Variants in LMO7 observed in about 807,000 individuals in gnomAD.
LMO7 encodes LIM domain only protein 7.
Under a neutral mutation model 206.5 loss-of-function variants are expected in LMO7, and 120 were observed. The ratio of observed to expected loss-of-function variants is 0.58; its 90% confidence interval spans 0.50 to 0.68. The LOEUF is 0.68. Among genes scored for constraint, LMO7 ranks in the 30% least tolerant of loss-of-function variants. The pLI is 0.00. For synonymous variants in LMO7, 706 were observed against 681.5 expected (o/e 1.04, Z -0.56); for missense variants, 1,959 against 1,957.9 (o/e 1.00, Z -0.01).
chr13:75,702,235 C>G (rs2042331073), intron 1 of LMO7, among the ~76,000 whole-genome samples: 1 of 152,098 alleles, frequency 6.6e-6, no homozygotes, highest in South Asian at 2.1e-4. Context: ...TTGCATTTTG[C>G]TGGCTGTTTC....
In LMO7 at chr13:75,809,157, C is replaced by G. The variant is rs533929879; in HGVS notation, c.1920C>G (p.Leu640=). ...TTTTGGTTTTCTGGTTTCTTAGACT[C>G]TTTCAAAAGATTTATGGTGAGAATG... The part of the protein sequence containing the change: ...RHKKRLMVER[L]FQKIYGENGS... Residue 640 remains leucine, a synonymous_variant, in exon 11 of 31, where the codon CTC becomes CTG. Coordinates refer to ENST00000377534, the MANE Select transcript of LMO7 (RefSeq NM_001306080.2). 2 of 1,611,918 alleles carry G rather than the reference C, an allele frequency of 1.2e-6. No homozygotes were observed. Among genetic ancestry groups the G allele is most frequent in the Middle Eastern group, 1.7e-4 (1 of 6,052 alleles).
Position 75,858,244 on chromosome 13 carries a change from C to T in LMO7, c.*301C>T. 1 of 316,572 alleles carries T rather than the reference C, an allele frequency of 3.2e-6. No homozygotes were observed. Among genetic ancestry groups the T allele is most frequent in the Non-Finnish European group, 5.7e-6 (1 of 174,092 alleles). 19.6% of individuals were successfully genotyped at this position (316,572 alleles called of 1,614,324 possible). On this transcript the variant is annotated 3_prime_UTR_variant, in exon 31 of 31. Transcript: ENST00000377534. ...GAATATTTTTGAGGCAGATAATGAT[C>T]TAGTTTGACTTTCTAGTTAGTGGTG... is the stretch of plus-strand genomic sequence containing the variant.
chr13:75,654,901 C>T (rs758093350), intron 1 of LMO7, among the ~76,000 whole-genome samples: 5 of 143,154 alleles, frequency 3.5e-5, no homozygotes, highest in African/African-American at 5.2e-5. Flanking sequence ...ACAAAATCTT[C>T]GCTCTTGTTG....
Position 75,804,415 on chromosome 13 carries a change from C to G in LMO7, c.788C>G (p.Pro263Arg). The change falls in exon 8 of 31, where the codon CCC (proline) becomes CGC (arginine). Residue 263 changes from proline (P) to arginine (R), a missense_variant. By Grantham distance (103) the Pro-to-Arg change is moderately radical (BLOSUM62 -2). Coordinates refer to ENST00000377534, the MANE Select transcript of LMO7 (RefSeq NM_001306080.2). ...KTALPFNRFL[P>R]NKSRQPSYVP... ...GCGTTACCCTTCAATCGTTTTTTAC[C>G]CAACAAAAGTAGACAGCCATCCTAT... The G allele has an allele frequency of 6.2e-7, 1 of 1,614,104 alleles. No homozygotes were observed.
intron 1 of LMO7, among the ~76,000 whole-genome samples, chr13:75,652,902 C>T (rs1359451382): frequency 1.3e-5 from 2 of 151,998 alleles, no homozygotes; most frequent in African/African-American, 2.4e-5. Context: ...AGAACATGAA[C>T]ATAAGAAAGA....
intron 1 of LMO7, among the ~76,000 whole-genome samples, chr13:75,646,093 TCTC>T (rs1414440802): frequency 6.6e-6 from 1 of 151,976 alleles, no homozygotes; most frequent in African/African-American, 2.4e-5. Flanking sequence ...TTCCTAATCA[TCTC>T]CTCATCTCTC....
intron 4 of LMO7, among the ~76,000 whole-genome samples, chr13:75,768,039 A>G (rs191759758): frequency 2.6e-5 from 4 of 152,188 alleles, no homozygotes; most frequent in Admixed American, 2.0e-4. Context: ...CCTACCTCAC[A>G]AAGATGTTGT....
chr13:75,841,277 C>T, intron 23 of LMO7, 76 bp downstream of exon 23: 1 of 895,082 alleles, frequency 1.1e-6, no homozygotes, highest in Non-Finnish European at 1.8e-6. Context: ...TCAGGAGACA[C>T]TTCATTTTTC....
At position 75,670,966 on chromosome 13, in the gene LMO7, C is replaced by T. The variant is rs1484916119; in HGVS notation, c.69+34240C>T. Among the ~76,000 whole-genome samples the T allele has an allele frequency of 3.2e-4, 32 of 100,072 alleles. 2 individuals carry two copies. Among genetic ancestry groups the T allele is most frequent in the African/African-American group, 7.2e-4 (20 of 27,880 alleles). The allele number at this position is 100,072 out of a possible 152,430, so 65.7% of individuals were successfully genotyped here. A position where few individuals can be genotyped will look rare whatever the true frequency, so the allele number is the denominator to read the frequency against. On this transcript the variant is annotated intron_variant, in intron 1 of 30. Transcript: ENST00000377534. ...TACCTTTTTTTTTTAATGTTTAAAA[C>T]TTTTTTTTTTTTTTTTTACTATTTA...
At chr13:75,801,238 A>C (rs952943470) in intron 7 of LMO7, among the ~76,000 whole-genome samples, 6 of 107,894 alleles carry the variant, frequency 5.6e-5, no homozygotes, top group East Asian at 3.2e-4. Context: ...AAGATTCTGC[A>C]AAAAAAAAAA....
intron 2 of LMO7, among the ~76,000 whole-genome samples, chr13:75,723,018 A>T (rs1001656964): frequency 6.6e-6 from 1 of 152,078 alleles, no homozygotes; most frequent in Non-Finnish European, 1.5e-5. Flanking sequence ...GACTCGGGGG[A>T]AAGAGTGGGG....
chr13:75,673,668 C>T (rs1458573280), intron 1 of LMO7, among the ~76,000 whole-genome samples: 2 of 152,138 alleles, frequency 1.3e-5, no homozygotes, highest in African/African-American at 2.4e-5. Flanking sequence ...ACTAGGTTTT[C>T]AATTATTTTC....
chr13:75,781,686 C>G (rs1463797735), intron 4 of LMO7, among the ~76,000 whole-genome samples: 1 of 150,446 alleles, frequency 6.6e-6, no homozygotes, highest in Non-Finnish European at 1.5e-5. Flanking sequence ...AGTTCTAGAT[C>G]CCTGAGGAAT....
intron 1 of LMO7, among the ~76,000 whole-genome samples, chr13:75,693,860 C>T (rs1265091735): frequency 6.6e-6 from 1 of 152,140 alleles, no homozygotes; most frequent in Non-Finnish European, 1.5e-5. Flanking sequence ...TTGGGCAGCT[C>T]CCCCATCTTG....
At chr13:75,850,719 T>A (rs1370338146) in intron 27 of LMO7, among the ~76,000 whole-genome samples, 1 of 152,224 alleles carries the variant, frequency 6.6e-6, no homozygotes, top group African/African-American at 2.4e-5. Flanking sequence ...TGTAATCATT[T>A]ACAGTAGGGA....
At chr13:75,672,916 G>GAT (rs2139403577) in intron 1 of LMO7, among the ~76,000 whole-genome samples, 1 of 107,748 alleles carries the variant, frequency 9.3e-6, no homozygotes, top group Admixed American at 8.7e-5. Flanking sequence ...TAGGTGACTT[G>GAT]ATATGTGTGT....
upstream of LMO7, among the ~76,000 whole-genome samples, chr13:75,633,545 C>T (rs556205420): frequency 8.3e-4 from 127 of 152,232 alleles, no homozygotes; most frequent in South Asian, 4.1e-4. Context: ...ATGTTGAAGA[C>T]ACCACAAAGA....
intron 3 of LMO7, among the ~76,000 whole-genome samples, chr13:75,730,734 T>G (rs1446623328): frequency 1.5e-5 from 2 of 136,148 alleles, no homozygotes; most frequent in East Asian, 2.2e-4. Context: ...GTGTCAATTT[T>G]GGATCTTTCC....
At chr13:75,733,273 C>T (rs2045452851) in intron 3 of LMO7, among the ~76,000 whole-genome samples, 1 of 152,252 alleles carries the variant, frequency 6.6e-6, no homozygotes, top group African/African-American at 2.4e-5. Context: ...CTGTGGTGGG[C>T]TCCACCCAGT....
Sources: allele counts gnomAD v4.1 joint callset (sites outside exome capture counted in the v4.1 genomes callset), GRCh38; gene constraint gnomAD v4.1.1; transcripts MANE v1.5; gene names NCBI Gene and HGNC (gene_info 2026-07-23, HGNC 2026-07-21).